The following ASPSCR1 variants were observed in gnomAD, a reference collection of about 807,000 sequenced individuals.
ASPSCR1 encodes the protein ASPSCR1 tether for SLC2A4, UBX domain containing, also known as tether containing UBX domain for GLUT4.
A neutral mutation model predicts 68.9 loss-of-function variants in ASPSCR1; 55 were observed. The ratio of observed to expected loss-of-function variants is 0.80; its 90% CI spans 0.64 to 1.00. The LOEUF (loss-of-function observed/expected upper bound fraction) is 1.00. ASPSCR1 is among the 50% of genes least tolerant of loss of function. The pLI, the probability that ASPSCR1 is intolerant of heterozygous loss-of-function variation, is 0.00. For missense variants in ASPSCR1, 765 were observed against 762.2 expected (o/e 1.00, Z -0.04); for synonymous variants, 352 against 332.6 (o/e 1.06, Z -0.63).
chr17:81,978,120 CCGGGTTGCG>C, intron 1 of ASPSCR1: 1 of 160,674 alleles, frequency 6.2e-6, no homozygotes, highest in Non-Finnish European at 1.4e-5. Context: ...GAGCGGGAGC[CCGGGTTGCG>C]CGGTGGCAGA....
Position 81,990,804 on chromosome 17 carries a change from C to T in ASPSCR1, c.375-4017C>T, listed in dbSNP as rs1007638695. ...GCTGGGGTACAGATTGTTATGCTAA[C>T]GGGTTTCCTATGAGGAGTTTCTCTC... is the stretch of plus-strand genomic sequence containing the variant. On this transcript the variant is annotated intron_variant, in intron 4 of 15. Transcript: ENST00000306739. This position sits in a 1 kb window ranked among gnomAD's most constrained non-coding sequence, Gnocchi z 4.1. Among the ~76,000 whole-genome samples the T allele has an allele frequency of 3.9e-5, 6 of 152,110 alleles. No homozygotes were observed. Among genetic ancestry groups the T allele is most frequent in the South Asian group, 2.1e-4 (1 of 4,828 alleles).
intron 2 of ASPSCR1, among the ~76,000 whole-genome samples, chr17:81,982,985 T>G (rs2041843882): frequency 1.3e-5 from 2 of 152,214 alleles, no homozygotes; most frequent in South Asian, 4.1e-4. Flanking sequence ...AGCTTATTTT[T>G]TTGTATTTTT....
Position 81,996,654 on chromosome 17 carries a change from T to C in ASPSCR1, c.741T>C (p.Gly247=), listed in dbSNP as rs372128517. ...PAAAPFVPFS[G]GGQRLGGPPG... is the part of the protein sequence containing the mutation. Reference sequence around the variant, plus strand: ...CTGCCCCCTTTGTTCCTTTCTCGGGTGGGGGACAGAGACTGGGGGGCCCTC... The same window carrying C: ...CTGCCCCCTTTGTTCCTTTCTCGGGCGGGGGACAGAGACTGGGGGGCCCTC... Residue 247 remains glycine, a synonymous_variant, in exon 7 of 16, where the codon GGT becomes GGC. Transcript: ENST00000306739. The C allele has an allele frequency of 1.2e-6, 2 of 1,611,856 alleles. No homozygotes were observed. The highest frequency in any genetic ancestry group is 3.4e-5 in the Admixed American group (2 of 59,504).
chr17:81,991,329 G>A (rs2042154716), intron 4 of ASPSCR1, among the ~76,000 whole-genome samples: 1 of 152,200 alleles, frequency 6.6e-6, no homozygotes, highest in Non-Finnish European at 1.5e-5. Context: ...CTCAGTGCTT[G>A]GGGGCTGGCT....
Position 82,017,066 on chromosome 17 carries a change from C to G in ASPSCR1, c.1601C>G (p.Pro534Arg), listed in dbSNP as rs1262477256. The G allele has an allele frequency of 6.2e-7, 1 of 1,609,318 alleles. No individual in the cohort carries two copies. The highest frequency in any genetic ancestry group is 2.2e-5 in the East Asian group (1 of 44,816). ...GAGCCCATCCCAGGGACGGCCCAGC[C>G]CGTGAAGAGGAGCCTGGGCAAGGTG... ...PPEPIPGTAQ[P>R]VKRSLGKVPK... The change falls in exon 15 of 16, where the codon CCC (proline) becomes CGC (arginine). Residue 534 changes from proline (P) to arginine (R), a missense_variant. Pro to Arg is a moderately radical substitution (Grantham distance 103). Coordinates refer to ENST00000306739, the MANE Select transcript of ASPSCR1 (RefSeq NM_024083.4).
chr17:82,005,277 A>T (rs558704440), intron 7 of ASPSCR1: 14 of 151,158 alleles, frequency 9.3e-5, no homozygotes, highest in African/African-American at 3.4e-4. Flanking sequence ...AGGCCGCGTG[A>T]AGTGGGCATC....
chr17:81,983,523 G>A lies in ASPSCR1; in HGVS notation c.159-31G>A. ...TGGCAGGGCGTGTCAGGCTCTGCAG[G>A]GCAGCAAGTGTGCTCTGGTCTGTCT... On this transcript the variant is annotated intron_variant, in intron 2 of 15. Transcript: ENST00000306739. This position sits in a 1 kb window ranked among gnomAD's most constrained non-coding sequence, Gnocchi z 4.4. 1 of 1,560,324 alleles carries A rather than the reference G, an allele frequency of 6.4e-7. No homozygotes were observed. The highest frequency in any genetic ancestry group is 8.8e-7 in the Non-Finnish European group (1 of 1,138,200).
chr17:82,003,282 C>T (rs2042598651), intron 7 of ASPSCR1, among the ~76,000 whole-genome samples: 1 of 152,096 alleles, frequency 6.6e-6, no homozygotes, highest in Non-Finnish European at 1.5e-5. Context: ...CCCATCTCTA[C>T]AAAGGAAATT....
intron 4 of ASPSCR1, 143 bp from the exon 5 acceptor site, chr17:81,994,672 TGGCCTG>T (rs760513440): frequency 1.6e-4 from 123 of 774,644 alleles, no homozygotes; most frequent in African/African-American, 4.2e-4. Context: ...CTGAGGTCTG[TGGCCTG>T]GGCCTGGGCC....
chr17:82,017,250 G>T, intron 15 of ASPSCR1, 59 bp from the exon 16 acceptor site: 1 of 1,604,972 alleles, frequency 6.2e-7, no homozygotes, highest in Non-Finnish European at 8.5e-7. Flanking sequence ...GCTGGTGGGC[G>T]GGTGGCCGGG....
At chr17:81,981,014 TAAGTA>T (rs1395457522) in intron 2 of ASPSCR1, among the ~76,000 whole-genome samples, 6 of 151,928 alleles carry the variant, frequency 3.9e-5, no homozygotes, top group African/African-American at 1.5e-4. Context: ...AAAAAGTAAA[TAAGTA>T]AATAAATAAA....
chr17:81,982,358 A>G (rs1440075420), intron 2 of ASPSCR1, among the ~76,000 whole-genome samples: 1 of 152,238 alleles, frequency 6.6e-6, no homozygotes, highest in Non-Finnish European at 1.5e-5. Context: ...CAGGTCCTGC[A>G]ATACCATAGC....
chr17:81,984,870 C>G (rs1385746348), intron 3 of ASPSCR1, among the ~76,000 whole-genome samples: 45 of 106,760 alleles, frequency 4.2e-4, no homozygotes, highest in African/African-American at 1.5e-3. Context: ...ACCTGCACAC[C>G]CCCGCACACA....
intron 12 of ASPSCR1, chr17:82,015,164 G>A: frequency 2.5e-6 from 4 of 1,598,308 alleles, no homozygotes; most frequent in Non-Finnish European, 3.4e-6. Context: ...GCTTGCCAGT[G>A]GTAGGAGATG....
At chr17:82,010,078 A>ATT in intron 9 of ASPSCR1, 1 of 289,052 alleles carries the variant, frequency 3.5e-6, no homozygotes, top group South Asian at 2.2e-5. Flanking sequence ...AGCTCGGCTA[A>ATT]TTTTTGTTGT....
chr17:82,010,956 AGCCACCTGGCCT>A, intron 10 of ASPSCR1, 88 bp downstream of exon 10: 1 of 1,498,124 alleles, frequency 6.7e-7, no homozygotes, highest in Non-Finnish European at 9.1e-7. Context: ...ACAGGACTGC[AGCCACCTGGCCT>A]GCGGGCTCCA....
chr17:82,015,551 T>C, intron 12 of ASPSCR1: 1 of 733,512 alleles, frequency 1.4e-6, no homozygotes, highest in South Asian at 1.9e-5. Context: ...GGTGCCTCTC[T>C]GCATCGGTGG....
In ASPSCR1 at chr17:81,990,333, A is replaced by C. The variant is rs1001771269; in HGVS notation, c.375-4488A>C. Among the ~76,000 whole-genome samples, 1 of 152,186 alleles carries C rather than the reference A, an allele frequency of 6.6e-6. No homozygotes were observed. Among genetic ancestry groups the C allele is most frequent in the Non-Finnish European group, 1.5e-5 (1 of 68,020 alleles). ...CACTCTGCTTCTCAGGCTCTGCTGCAGGGAGGGCGTCAGGAGACAGAGGCT... is the reference window on the plus strand; with the variant it reads ...CACTCTGCTTCTCAGGCTCTGCTGCCGGGAGGGCGTCAGGAGACAGAGGCT... On this transcript the variant is annotated intron_variant, in intron 4 of 15. Transcript: ENST00000306739. The surrounding 1 kb of genome is among the most constrained non-coding windows in gnomAD (Gnocchi z 4.1).
intron 12 of ASPSCR1, 64 bp downstream of exon 12, chr17:82,012,347 G>C: frequency 6.5e-7 from 1 of 1,542,414 alleles, no homozygotes; most frequent in Non-Finnish European, 8.9e-7. Context: ...GGACGAGAGC[G>C]TGAGGCCTCG....
Sources: allele counts gnomAD v4.1 joint callset (sites outside exome capture counted in the v4.1 genomes callset), GRCh38; gene constraint gnomAD v4.1.1; non-coding constraint Gnocchi (gnomAD v3.1); transcripts MANE v1.5; gene names NCBI Gene and HGNC (gene_info 2026-07-23, HGNC 2026-07-21).